Variants in SPIDR observed in about 807,000 individuals in gnomAD.
SPIDR encodes the protein DNA repair-scaffolding protein.
In SPIDR, 93 loss-of-function variants were observed where a neutral mutation model predicts 104.6. The ratio of observed to expected loss-of-function variants is 0.89; its 90% confidence interval spans 0.75 to 1.06. The LOEUF is 1.06. Among genes scored for constraint, SPIDR ranks in the 50% least tolerant of loss-of-function variants. The probability of loss-of-function intolerance (pLI) is 0.00; values close to 1 mark genes in which losing one functional copy is unlikely to be tolerated. For missense variants in SPIDR, 1,154 were observed against 1,111.2 expected, an observed-to-expected ratio of 1.04 and a Z score of -0.55; for synonymous variants, 431 against 416.9, an observed-to-expected ratio of 1.03 and a Z score of -0.41.
intron 8 of SPIDR, among the ~76,000 whole-genome samples, chr8:47,576,510 T>C (rs942623467): frequency 6.6e-6 from 1 of 151,928 alleles, no homozygotes; most frequent in Non-Finnish European, 1.5e-5. Context: ...CTTGACTCAT[T>C]GCAACCTGTG....
intron 10 of SPIDR, among the ~76,000 whole-genome samples, chr8:47,672,755 C>A (rs139600412): frequency 6.6e-6 from 1 of 152,302 alleles, no homozygotes; most frequent in South Asian, 2.1e-4. Context: ...TGACTATTCC[C>A]ACATGATGGT....
Position 47,388,174 on chromosome 8 carries a change from C to T in SPIDR, c.526-8202C>T, listed in dbSNP as rs2060173389. On this transcript the variant is annotated intron_variant, in intron 5 of 19. Transcript: ENST00000297423. ...TTTAGATCAACCAGAAATAAGGGCT[C>T]CATTTTTTGTCCATTTGGAGCACTA... Among the ~76,000 whole-genome samples, 4 of 152,182 alleles carry T rather than the reference C, an allele frequency of 2.6e-5. No homozygotes were observed. In the South Asian group the frequency reaches 8.3e-4, roughly 32 times the overall value.
At position 47,305,292 on chromosome 8, in the gene SPIDR, C is replaced by T. The variant is rs1053100392; in HGVS notation, c.525+11262C>T. Among the ~76,000 whole-genome samples the T allele has an allele frequency of 1.2e-4, 19 of 152,100 alleles. 1 individual carries two copies. Among genetic ancestry groups the T allele is most frequent in the Admixed American group, 4.6e-4 (7 of 15,276 alleles). On this transcript the variant is annotated intron_variant, in intron 5 of 19. Transcript: ENST00000297423. The stretch of plus-strand genomic sequence containing the variant: ...GCAAATACAGGCTAATAGACATAAT[C>T]AATGTAAAGTAATGTGAGTGAGACT...
chr8:47,644,214 C>T (rs1233495260), intron 10 of SPIDR, among the ~76,000 whole-genome samples: 2 of 152,214 alleles, frequency 1.3e-5, no homozygotes, highest in Non-Finnish European at 2.9e-5. Flanking sequence ...CTGGAGATTG[C>T]AGGCTCCACT....
At chr8:47,272,515 G>T (rs2035540197) in intron 1 of SPIDR, among the ~76,000 whole-genome samples, 1 of 152,136 alleles carries the variant, frequency 6.6e-6, no homozygotes, top group Admixed American at 6.5e-5. Context: ...TACCCTAAAT[G>T]CTTTGAGCCA....
chr8:47,731,652 T>C (rs866512171), intron 19 of SPIDR, among the ~76,000 whole-genome samples: 3 of 152,174 alleles, frequency 2.0e-5, no homozygotes, highest in Non-Finnish European at 2.9e-5. Context: ...GGGAACAGCA[T>C]ATGTGCTTTT....
chr8:47,509,947 C>T (rs779770117), intron 8 of SPIDR, among the ~76,000 whole-genome samples: 15 of 152,018 alleles, frequency 9.9e-5, no homozygotes, highest in Non-Finnish European at 1.0e-4. Context: ...ACACACTTAA[C>T]ACACATCTGT....
intron 16 of SPIDR, among the ~76,000 whole-genome samples, chr8:47,717,848 TC>T (rs1178365715): frequency 2.0e-5 from 3 of 152,204 alleles, no homozygotes; most frequent in African/African-American, 7.2e-5. Flanking sequence ...GATCAGCAGT[TC>T]AGATTCTTAA....
intron 8 of SPIDR, among the ~76,000 whole-genome samples, chr8:47,464,700 C>A (rs2074491639): frequency 6.6e-6 from 1 of 152,054 alleles, no homozygotes; most frequent in Non-Finnish European, 1.5e-5. Context: ...CCCCTCCCCT[C>A]CCCTCCTGTC....
intron 8 of SPIDR, among the ~76,000 whole-genome samples, chr8:47,548,723 A>G (rs1245370521): frequency 6.6e-6 from 1 of 152,146 alleles, no homozygotes; most frequent in Non-Finnish European, 1.5e-5. Context: ...ACAACTGGAA[A>G]TATTCTTTCT....
At chr8:47,361,017 A>G in intron 5 of SPIDR, 1 of 964,174 alleles carries the variant, frequency 1.0e-6, no homozygotes, top group South Asian at 4.8e-5. Flanking sequence ...AAAAATAAAT[A>G]AGTGATGCTG....
chr8:47,382,678 T>C (rs1205367725), intron 5 of SPIDR, among the ~76,000 whole-genome samples: 1 of 152,204 alleles, frequency 6.6e-6, no homozygotes, highest in Non-Finnish European at 1.5e-5. Context: ...CCCAAAGTGC[T>C]GGGATTAACA....
intron 8 of SPIDR, among the ~76,000 whole-genome samples, chr8:47,542,385 G>C (rs2088379132): frequency 6.6e-6 from 1 of 152,096 alleles, no homozygotes; most frequent in Non-Finnish European, 1.5e-5. Flanking sequence ...TTGCGTGAGT[G>C]ACTGGAGAGT....
intron 10 of SPIDR, among the ~76,000 whole-genome samples, chr8:47,672,810 G>A (rs527770689): frequency 6.6e-6 from 1 of 152,222 alleles, no homozygotes; most frequent in Admixed American, 6.5e-5. Flanking sequence ...TCTTTGTTTG[G>A]TCTTATTCCA....
chr8:47,678,260 G>A lies in SPIDR; in HGVS notation c.1685+4319G>A, dbSNP rs547779150. Among the ~76,000 whole-genome samples, 33 of 152,194 alleles carry A rather than the reference G, an allele frequency of 2.2e-4. 1 individual carries two copies. Among genetic ancestry groups the A allele is most frequent in the Admixed American group, 3.3e-4 (5 of 15,284 alleles). On this transcript the variant is annotated intron_variant, in intron 11 of 19. Coordinates refer to ENST00000297423, the MANE Select transcript of SPIDR (RefSeq NM_001080394.4). ...CATTGGTTCCAGAGAAATGAGGGTC[G>A]ATATGAGTTTTTGAGTGAAGAAGAG...
intron 5 of SPIDR, among the ~76,000 whole-genome samples, chr8:47,360,160 T>C (rs1253461609): frequency 4.3e-5 from 6 of 139,636 alleles, no homozygotes; most frequent in Admixed American, 8.5e-5. Flanking sequence ...GACAATGGCA[T>C]GAACCCGGGA....
At chr8:47,540,923 G>T (rs112853420) in intron 8 of SPIDR, among the ~76,000 whole-genome samples, 3 of 152,084 alleles carry the variant, frequency 2.0e-5, no homozygotes, top group African/African-American at 4.8e-5. Flanking sequence ...GCAGTGGCGC[G>T]GTCTCAGCTC....
At chr8:47,573,768 T>A (rs1028716536) in intron 8 of SPIDR, among the ~76,000 whole-genome samples, 1 of 152,240 alleles carries the variant, frequency 6.6e-6, no homozygotes, top group African/African-American at 2.4e-5. Flanking sequence ...GTGTTTCTCG[T>A]AGGCAGGTAG....
intron 5 of SPIDR, among the ~76,000 whole-genome samples, chr8:47,318,146 G>A (rs1019903755): frequency 3.9e-5 from 6 of 152,084 alleles, no homozygotes; most frequent in African/African-American, 9.7e-5. Context: ...AAACTACTCC[G>A]AGCTAAAGGA....
Sources: allele counts gnomAD v4.1 joint callset (sites outside exome capture counted in the v4.1 genomes callset), GRCh38; gene constraint gnomAD v4.1.1; transcripts MANE v1.5; gene names NCBI Gene and HGNC (gene_info 2026-07-23, HGNC 2026-07-21).